Variants in MAP3K7 observed in about 807,000 individuals in gnomAD.
The protein encoded by MAP3K7 is mitogen-activated protein kinase kinase kinase 7, also known as TGF-beta activated kinase 1.
A neutral mutation model predicts 84.8 loss-of-function variants in MAP3K7; 21 were observed. The ratio of observed to expected loss-of-function variants is 0.25; its 90% confidence interval spans 0.18 to 0.36. The LOEUF (loss-of-function observed/expected upper bound fraction) is 0.36, where lower values mean the gene tolerates loss of function less well. Among genes scored for constraint, MAP3K7 ranks in the 10% least tolerant of loss-of-function variants. MAP3K7 has a pLI of 1.00. For synonymous variants in MAP3K7, 241 were observed against 247.7 expected (o/e 0.97, Z 0.25); for missense variants, 503 against 747.7 (o/e 0.67, Z 3.82).
At chr6:90,520,565 G>A (rs189237505) in intron 14 of MAP3K7, among the ~76,000 whole-genome samples, 73 of 151,990 alleles carry the variant, frequency 4.8e-4, no homozygotes, top group Non-Finnish European at 9.0e-4. Context: ...ATACTAAATG[G>A]AGAATTAGAA....
At chr6:90,556,848 G>C (rs1281371164) in intron 5 of MAP3K7, among the ~76,000 whole-genome samples, 2 of 152,130 alleles carry the variant, frequency 1.3e-5, no homozygotes, top group South Asian at 2.1e-4. Flanking sequence ...TTGGAAGGCT[G>C]CTAGACTCAC....
Position 90,515,266 on chromosome 6 carries a change from A to G in MAP3K7, c.*1235T>C, listed in dbSNP as rs1582150126. On this transcript the variant is annotated 3_prime_UTR_variant, in exon 17 of 17. Coordinates refer to ENST00000369329, the MANE Select transcript of MAP3K7 (RefSeq NM_145331.3). ...TGGTATCAAAATGTGACTTATTTTA[A>G]CACCAACTGAAAAAATATAGAGTTT... The G allele has an allele frequency of 6.6e-6, 1 of 152,118 alleles. No individual in the cohort carries two copies. Among genetic ancestry groups the G allele is most frequent in the Non-Finnish European group, 1.5e-5 (1 of 67,902 alleles). 9.4% of individuals were successfully genotyped at this position (152,118 alleles called of 1,614,324 possible). A position where few individuals can be genotyped will look rare whatever the true frequency, so the allele number is the denominator to read the frequency against.
chr6:90,570,698 A>C (rs973507644), intron 2 of MAP3K7, among the ~76,000 whole-genome samples: 1 of 152,204 alleles, frequency 6.6e-6, no homozygotes. Flanking sequence ...CTGGATTTAA[A>C]AAATTTTCTT....
At chr6:90,569,412 A>G (rs1019784637) in intron 2 of MAP3K7, among the ~76,000 whole-genome samples, 1 of 152,082 alleles carries the variant, frequency 6.6e-6, no homozygotes, top group Non-Finnish European at 1.5e-5. Context: ...CCCTGATCCA[A>G]TGATCCATAC....
chr6:90,552,051 G>C lies in MAP3K7; in HGVS notation c.865C>G (p.Arg289Gly). The change falls in exon 8 of 17, where the codon CGG becomes GGG. Residue 289 changes from arginine to glycine, a missense_variant and splice_region_variant. Coordinates refer to ENST00000369329, the MANE Select transcript of MAP3K7 (RefSeq NM_145331.3). ...GCCCCTCAAAAGAAGGATTATACCC[G>C]CATCAAGTGAGTCATTATTTTCACA... ...EIVKIMTHLMRYFPGADEPLQ... is the reference protein window; with the variant it reads ...EIVKIMTHLMGYFPGADEPLQ... 1 of 1,607,020 alleles carries C rather than the reference G, an allele frequency of 6.2e-7. No homozygotes were observed.
At chr6:90,520,230 T>C (rs1308868034) in intron 14 of MAP3K7, among the ~76,000 whole-genome samples, 5 of 152,110 alleles carry the variant, frequency 3.3e-5, no homozygotes, top group Middle Eastern at 3.4e-3. Flanking sequence ...TTCAGCCTTT[T>C]TCTGACGAAT....
intron 1 of MAP3K7, among the ~76,000 whole-genome samples, chr6:90,576,418 G>GTCTC (rs200767790): frequency 8.6e-5 from 5 of 58,300 alleles, no homozygotes; most frequent in Non-Finnish European, 1.6e-4. Context: ...GCTAGACTCT[G>GTCTC]TCACACACAC....
rs866871764 is a variant in MAP3K7 at position 90,523,658 on chromosome 6, T to G, written c.1462+20A>C. On this transcript the variant is annotated intron_variant, in intron 14 of 16. Transcript: ENST00000369329. ...CATGACTGATTCAACTTCATAAGTA[T>G]GAAGAAACAGACTGGTCACCTGTGG... 1.3e-6 allele frequency: 2 copies of G among 1,528,380 alleles called. No homozygotes were observed. Among genetic ancestry groups the G allele is most frequent in the African/African-American group, 1.4e-5 (1 of 73,276 alleles). The allele number at this position is 1,528,380 out of a possible 1,614,324, so 94.7% of individuals were successfully genotyped here.
At chr6:90,582,231 G>A (rs750376327) in intron 1 of MAP3K7, among the ~76,000 whole-genome samples, 13 of 152,246 alleles carry the variant, frequency 8.5e-5, no homozygotes, top group South Asian at 6.2e-4. Context: ...AACAAGACTC[G>A]GATCTCATTT....
At chr6:90,563,890 C>T (rs939428727) in intron 3 of MAP3K7, among the ~76,000 whole-genome samples, 5 of 152,150 alleles carry the variant, frequency 3.3e-5, no homozygotes, top group African/African-American at 1.2e-4. Flanking sequence ...CTCTATAAGC[C>T]AGAAGAGAGT....
intron 9 of MAP3K7, among the ~76,000 whole-genome samples, chr6:90,549,201 G>C (rs1776101212): frequency 6.6e-6 from 1 of 152,074 alleles, no homozygotes; most frequent in African/African-American, 2.4e-5. Context: ...CAGAGTAGAT[G>C]GGCACAGATG....
At chr6:90,544,510 C>G in intron 12 of MAP3K7, 42 bp downstream of exon 12, 1 of 1,542,904 alleles carries the variant, frequency 6.5e-7, no homozygotes, top group Non-Finnish European at 9.0e-7. Context: ...ATCATTATTC[C>G]GGTTCCACAG....
chr6:90,536,092 C>T (rs749619822), intron 13 of MAP3K7, among the ~76,000 whole-genome samples: 17 of 151,950 alleles, frequency 1.1e-4, no homozygotes, highest in African/African-American at 2.4e-4. Context: ...ATATATACAG[C>T]GCTAATGAAC....
chr6:90,542,518 T>C, intron 12 of MAP3K7: 6 of 984,082 alleles, frequency 6.1e-6, no homozygotes, highest in Non-Finnish European at 7.2e-6. Flanking sequence ...AGAGCTCTCC[T>C]TAATGTGAAC....
At chr6:90,540,785 A>C (rs1252416936) in intron 12 of MAP3K7, among the ~76,000 whole-genome samples, 1 of 151,744 alleles carries the variant, frequency 6.6e-6, no homozygotes. Flanking sequence ...TTATTCTCTT[A>C]CTCTACATGT....
Position 90,514,464 on chromosome 6 carries a change from C to A in MAP3K7, c.*2037G>T, listed in dbSNP as rs1282472180. ...GTTCAACAGCCTCTTGCATTTGGTACCATGACTAAAATCTACTATTTTCTT... is the reference window on the plus strand; with the variant it reads ...GTTCAACAGCCTCTTGCATTTGGTAACATGACTAAAATCTACTATTTTCTT... On this transcript the variant is annotated 3_prime_UTR_variant, in exon 17 of 17. Coordinates refer to ENST00000369329, the MANE Select transcript of MAP3K7 (RefSeq NM_145331.3). 6.6e-6 allele frequency: 1 copy of A among 152,012 alleles called. No homozygotes were observed. Among genetic ancestry groups the A allele is most frequent in the Non-Finnish European group, 1.5e-5 (1 of 67,948 alleles). 9.4% of individuals were successfully genotyped at this position (152,012 alleles called of 1,614,324 possible). A position where few individuals can be genotyped will look rare whatever the true frequency, so the allele number is the denominator to read the frequency against.
At chr6:90,532,128 C>T (rs951459809) in intron 13 of MAP3K7, among the ~76,000 whole-genome samples, 12 of 152,144 alleles carry the variant, frequency 7.9e-5, no homozygotes, top group Non-Finnish European at 1.8e-4. Flanking sequence ...TAATAAATCA[C>T]ATCCCTTAAA....
chr6:90,553,088 C>G (rs1776230339), intron 7 of MAP3K7, among the ~76,000 whole-genome samples: 1 of 152,182 alleles, frequency 6.6e-6, no homozygotes, highest in Non-Finnish European at 1.5e-5. Context: ...AGGGCTATAA[C>G]TCTCCAGTTA....
In MAP3K7 at chr6:90,516,279, T is replaced by G. The variant is rs1582151495; in HGVS notation, c.*222A>C. On this transcript the variant is annotated 3_prime_UTR_variant, in exon 17 of 17. Transcript: ENST00000369329. Reference sequence around the variant, plus strand: ...TTTTGAAGTTGCAAAGTGCTGCTCATTCAAGTCACAGATGCTACCATGTTA... The same window carrying G: ...TTTTGAAGTTGCAAAGTGCTGCTCAGTCAAGTCACAGATGCTACCATGTTA... 1.8e-6 allele frequency: 1 copy of G among 570,688 alleles called. No homozygotes were observed. The highest frequency in any genetic ancestry group is 3.0e-5 in the East Asian group (1 of 33,556). 35.4% of individuals were successfully genotyped at this position (570,688 alleles called of 1,614,324 possible). A position where few individuals can be genotyped will look rare whatever the true frequency, so the allele number is the denominator to read the frequency against.
Sources: gnomAD v4.1 joint callset for allele counts (sites outside exome capture counted in the v4.1 genomes callset) on GRCh38, gnomAD v4.1.1 for gene constraint, MANE v1.5 for transcripts, NCBI Gene and HGNC (gene_info 2026-07-23, HGNC 2026-07-21) for gene names.